The following BAIAP2L2 variants were observed in gnomAD, a reference collection of about 807,000 sequenced individuals.
BAIAP2L2 encodes the protein BAR/IMD domain containing adaptor protein 2 like 2, also known as BAR/IMD domain-containing adapter protein 2-like 2.
A neutral mutation model predicts 60.4 loss-of-function variants in BAIAP2L2; 65 were observed. That is an observed-to-expected ratio of 1.08 (90% CI 0.88 to 1.32). The LOEUF (loss-of-function observed/expected upper bound fraction) is 1.32, where lower values mean the gene tolerates loss of function less well. Ranked by LOEUF, BAIAP2L2 falls within the 40% of genes most tolerant of loss-of-function variation. BAIAP2L2 has a pLI of 0.00. For synonymous variants in BAIAP2L2, 344 were observed against 301.7 expected (o/e 1.14, Z -1.45); for missense variants, 836 against 741.2 (o/e 1.13, Z -1.48).
chr22:38,097,599 G>C (rs1167118514), intron 6 of BAIAP2L2, among the ~76,000 whole-genome samples: 1 of 152,208 alleles, frequency 6.6e-6, no homozygotes, highest in African/African-American at 2.4e-5. Flanking sequence ...GGAGGCAGAG[G>C]GTTAATCCAT....
At chr22:38,102,817 A>G (rs1191979936) in intron 4 of BAIAP2L2, among the ~76,000 whole-genome samples, 1 of 151,936 alleles carries the variant, frequency 6.6e-6, no homozygotes, top group Non-Finnish European at 1.5e-5. Flanking sequence ...AGGCGGGTGG[A>G]TCACGAGGTC....
chr22:38,108,157 G>T, intron 3 of BAIAP2L2, 98 bp downstream of exon 3: 1 of 1,210,018 alleles, frequency 8.3e-7, no homozygotes, highest in Non-Finnish European at 1.2e-6. Flanking sequence ...TGGGCCCTGG[G>T]CTGAAAGGCC....
chr22:38,107,295 G>A (rs1366849407), intron 4 of BAIAP2L2, among the ~76,000 whole-genome samples: 2 of 152,118 alleles, frequency 1.3e-5, no homozygotes, highest in Non-Finnish European at 2.9e-5. Flanking sequence ...GGGAGGGACC[G>A]GTGGCTCTAG....
chr22:38,105,814 G>T (rs2086655154), intron 4 of BAIAP2L2, among the ~76,000 whole-genome samples: 1 of 152,148 alleles, frequency 6.6e-6, no homozygotes, highest in Non-Finnish European at 1.5e-5. Flanking sequence ...AGGGGTTTTT[G>T]TCTGCTGTAT....
At chr22:38,097,420 G>T (rs2038925179) in intron 6 of BAIAP2L2, among the ~76,000 whole-genome samples, 1 of 152,240 alleles carries the variant, frequency 6.6e-6, no homozygotes, top group African/African-American at 2.4e-5. Flanking sequence ...TGCTGTCTGA[G>T]CCTTCGCTCT....
At chr22:38,103,818 G>C (rs2086611017) in intron 4 of BAIAP2L2, among the ~76,000 whole-genome samples, 1 of 147,750 alleles carries the variant, frequency 6.8e-6, no homozygotes, top group South Asian at 2.2e-4. Context: ...AGCCGAGATT[G>C]CATCACTGTA....
rs113681022 is a variant in BAIAP2L2, at chr22:38,109,163, G to C, written c.97C>G (p.Leu33Val). Residue 33 changes from leucine to valine, a missense_variant, in exon 2 of 14, where the codon CTG (leucine) becomes GTG (valine). Leu to Val is a conservative substitution (Grantham distance 32). Transcript: ENST00000381669. ...FNPALENLVY[L>V]GNNYLRAFHA... ...AAGGCACGCAGGTAGTTGTTGCCCA[G>C]GTACACCAGGTTCTCCAGGGCGGGG... 1 of 1,613,166 alleles carries C rather than the reference G, an allele frequency of 6.2e-7. No individual in the cohort carries two copies. The highest frequency in any genetic ancestry group is 1.1e-5 in the South Asian group (1 of 91,072).
rs2086009561 is a variant in BAIAP2L2, at chr22:38,085,011, G to GA, written c.*288dup. On this transcript the variant is annotated 3_prime_UTR_variant, in exon 14 of 14. Transcript: ENST00000381669. ...CCTCCCCACGGGGGCAGAAAAGGGG[G>GA]AAAGAGGTTAGGGGGCAAGAGGTGG... is the stretch of plus-strand genomic sequence containing the variant. 4 of 389,548 alleles carry GA rather than the reference G, an allele frequency of 1.0e-5. No homozygotes were observed. In the South Asian group the frequency reaches 1.2e-4, roughly 12 times the overall value. 24.1% of individuals were successfully genotyped at this position (389,548 alleles called of 1,614,324 possible).
At chr22:38,109,297 G>A (rs1232934222) in intron 1 of BAIAP2L2, 89 bp from the exon 2 acceptor site, 1 of 1,052,182 alleles carries the variant, frequency 9.5e-7, no homozygotes, top group South Asian at 1.4e-5. Flanking sequence ...AGGCGTCAGG[G>A]ACAGGGCACC....
chr22:38,089,474 G>C, intron 8 of BAIAP2L2, 48 bp downstream of exon 8: 2 of 1,094,698 alleles, frequency 1.8e-6, no homozygotes, highest in African/African-American at 3.3e-5. Context: ...GGGCCCCCGC[G>C]GGGGGCGGCG....
Position 38,089,507 on chromosome 22 carries a change from C to T in BAIAP2L2, c.765+15G>A, listed in dbSNP as rs893553651. 3.3e-6 allele frequency: 4 copies of T among 1,198,658 alleles called. No individual in the cohort carries two copies. Among genetic ancestry groups the T allele is most frequent in the Non-Finnish European group, 4.1e-6 (4 of 966,206 alleles). The allele number at this position is 1,198,658 out of a possible 1,614,324, so 74.3% of individuals were successfully genotyped here. ...GCGGGGGCGCGAACGGCGGCGGGGG[C>T]GCCCAGGGCCTCACCATGTCCAGGC... is the stretch of plus-strand genomic sequence containing the variant. On this transcript the variant is annotated intron_variant, in intron 8 of 13. Coordinates refer to ENST00000381669, the MANE Select transcript of BAIAP2L2 (RefSeq NM_025045.6).
At chr22:38,092,714 A>T (rs1004171751) in intron 7 of BAIAP2L2, among the ~76,000 whole-genome samples, 10 of 152,128 alleles carry the variant, frequency 6.6e-5, no homozygotes, top group East Asian at 1.9e-4. Flanking sequence ...TATGGTTTGG[A>T]TATTTGTCCT....
chr22:38,098,030 T>G, intron 6 of BAIAP2L2, 33 bp downstream of exon 6: 85 of 848,950 alleles, frequency 1.0e-4, no homozygotes, highest in Non-Finnish European at 1.4e-4. Context: ...CACCCGCCCT[T>G]CCTGGCCCAC....
At chr22:38,109,025 G>A in intron 2 of BAIAP2L2, 108 bp downstream of exon 2, 2 of 970,206 alleles carry the variant, frequency 2.1e-6, no homozygotes, top group South Asian at 1.4e-5. Context: ...GGAGGGTGTA[G>A]GGTTGAGGAT....
chr22:38,087,951 C>A (rs138313014), intron 10 of BAIAP2L2, among the ~76,000 whole-genome samples: 20 of 149,980 alleles, frequency 1.3e-4, no homozygotes, highest in African/African-American at 4.6e-4. Flanking sequence ...TACCCAGACG[C>A]ACATCCCCTG....
chr22:38,097,038 G>A lies in BAIAP2L2; in HGVS notation c.606C>T (p.Phe202=), dbSNP rs547575976. ...LLLSNTFLQF[F]GRARGMLQNR... is the part of the protein sequence containing the mutation. ...GCCCCCCAGTCCAACTCACCCGGCC[G>A]AAGAACTGCAGGAAGGTGTTGGAAA... The change falls in exon 7 of 14, where the codon TTC becomes TTT. Residue 202 remains phenylalanine, a synonymous_variant. Coordinates refer to ENST00000381669, the MANE Select transcript of BAIAP2L2 (RefSeq NM_025045.6). The A allele has an allele frequency of 2.3e-5, 37 of 1,611,956 alleles. No homozygotes were observed. The East Asian group carries it at 7.8e-4, about 34-fold the overall frequency.
At position 38,084,914 on chromosome 22, in the gene BAIAP2L2, CTTTA is replaced by C. The variant is rs1036207555; in HGVS notation, c.*382_*385del. 4.6e-4 allele frequency: 91 copies of C among 197,804 alleles called. 1 individual carries two copies. Among genetic ancestry groups the C allele is most frequent in the African/African-American group, 2.5e-3 (88 of 35,176 alleles). The allele number at this position is 197,804 out of a possible 1,614,324, so 12.3% of individuals were successfully genotyped here. ...TGCCGCATCACTTTGCGTCCACTTC[CTTTA>C]TTTCTCATCATTTACAAAAGATGTA... On this transcript the variant is annotated 3_prime_UTR_variant, in exon 14 of 14. Transcript: ENST00000381669.
intron 2 of BAIAP2L2, 38 bp downstream of exon 2, chr22:38,109,094 GC>G (rs1569232766): frequency 6.5e-7 from 1 of 1,548,774 alleles, no homozygotes; most frequent in Admixed American, 1.7e-5. Context: ...AACAGCAGAG[GC>G]CCAGGGCTGG....
intron 7 of BAIAP2L2, chr22:38,091,614 ATATT>A (rs1409144424): frequency 3.3e-5 from 5 of 152,218 alleles, no homozygotes; most frequent in Non-Finnish European, 5.9e-5. Flanking sequence ...TTTTAAAAAT[ATATT>A]TACGAAGTGA....
Sources: allele counts gnomAD v4.1 joint callset (sites outside exome capture counted in the v4.1 genomes callset), GRCh38; gene constraint gnomAD v4.1.1; transcripts MANE v1.5; gene names NCBI Gene and HGNC (gene_info 2026-07-23, HGNC 2026-07-21).